Variants in ZNF804B observed in about 807,000 individuals in gnomAD.
ZNF804B encodes the protein zinc finger protein 804B.
Under a neutral mutation model 101.4 loss-of-function variants are expected in ZNF804B, and 80 were observed. That is an observed-to-expected ratio of 0.79 (90% confidence interval 0.66 to 0.95). ZNF804B has a LOEUF of 0.95. Ranked by LOEUF, ZNF804B falls within the 40% of genes least tolerant of loss-of-function variation. The pLI, the probability that ZNF804B is intolerant of heterozygous loss-of-function variation, is 0.00. For missense variants in ZNF804B, 1,673 were observed against 1,561.9 expected (o/e 1.07, Z -1.20); for synonymous variants, 622 against 558.8 (o/e 1.11, Z -1.59).
intron 2 of ZNF804B, among the ~76,000 whole-genome samples, chr7:89,234,457 C>G (rs185518516): frequency 2.0e-5 from 3 of 152,054 alleles, no homozygotes; most frequent in African/African-American, 7.2e-5. Flanking sequence ...TATAAGATTT[C>G]CATGAAATTA....
At chr7:89,164,045 C>T (rs1791107035) in intron 1 of ZNF804B, among the ~76,000 whole-genome samples, 1 of 151,782 alleles carries the variant, frequency 6.6e-6, no homozygotes, top group South Asian at 2.1e-4. Flanking sequence ...ATTACTATCT[C>T]TCAAATAATG....
chr7:89,318,822 G>A (rs769870629), intron 2 of ZNF804B, among the ~76,000 whole-genome samples: 11 of 151,896 alleles, frequency 7.2e-5, no homozygotes, highest in Non-Finnish European at 1.5e-4. Context: ...AAAGACACAC[G>A]CACAGAAATA....
intron 1 of ZNF804B, among the ~76,000 whole-genome samples, chr7:89,184,130 C>T (rs886273764): frequency 6.6e-6 from 1 of 152,046 alleles, no homozygotes; most frequent in African/African-American, 2.4e-5. Flanking sequence ...TTAGAGATGG[C>T]CTACTTGAGC....
intron 1 of ZNF804B, among the ~76,000 whole-genome samples, chr7:89,127,678 T>C (rs1383616568): frequency 6.6e-6 from 1 of 151,674 alleles, no homozygotes; most frequent in African/African-American, 2.4e-5. Context: ...TGTTACTGAA[T>C]AAAATATTTT....
intron 1 of ZNF804B, among the ~76,000 whole-genome samples, chr7:88,941,586 C>T (rs1212244974): frequency 1.3e-5 from 2 of 151,812 alleles, no homozygotes; most frequent in Non-Finnish European, 2.9e-5. Context: ...TAAAAAAGAT[C>T]AGTGGTTGTT....
At chr7:88,955,799 C>A (rs1042611410) in intron 1 of ZNF804B, among the ~76,000 whole-genome samples, 1 of 151,628 alleles carries the variant, frequency 6.6e-6, no homozygotes, top group Admixed American at 6.6e-5. Context: ...AAACAATCAA[C>A]AGAGTGAAAA....
At chr7:89,015,977 T>C (rs939921745) in intron 1 of ZNF804B, among the ~76,000 whole-genome samples, 2 of 152,142 alleles carry the variant, frequency 1.3e-5, no homozygotes, top group South Asian at 2.1e-4. Context: ...TTCCTATTTC[T>C]CCACATCCTC....
At chr7:88,817,853 G>A (rs1790911044) in intron 1 of ZNF804B, among the ~76,000 whole-genome samples, 1 of 152,114 alleles carries the variant, frequency 6.6e-6, no homozygotes, top group South Asian at 2.1e-4. Context: ...TTCCAATAGA[G>A]GAACACTGAA....
chr7:88,910,578 T>A (rs1364476293), intron 1 of ZNF804B, among the ~76,000 whole-genome samples: 3 of 151,938 alleles, frequency 2.0e-5, no homozygotes, highest in African/African-American at 4.8e-5. Flanking sequence ...AAATAGTAGA[T>A]GCTCATTCAA....
At chr7:88,992,486 T>A (rs1288679823) in intron 1 of ZNF804B, among the ~76,000 whole-genome samples, 2 of 152,050 alleles carry the variant, frequency 1.3e-5, no homozygotes, top group African/African-American at 2.4e-5. Flanking sequence ...CAGTGTGGGT[T>A]CAACTGGGTT....
intron 1 of ZNF804B, among the ~76,000 whole-genome samples, chr7:89,043,570 A>G (rs1304141610): frequency 6.6e-6 from 1 of 152,212 alleles, no homozygotes; most frequent in Non-Finnish European, 1.5e-5. Context: ...ATAAAATGTC[A>G]TGGTTGATGC....
chr7:89,093,188 A>G (rs1214090622), intron 1 of ZNF804B, among the ~76,000 whole-genome samples: 5 of 152,074 alleles, frequency 3.3e-5, no homozygotes, highest in Admixed American at 3.3e-4. Context: ...TATTTATCTA[A>G]CTGTTAAATT....
chr7:88,830,490 A>G (rs1236189647), intron 1 of ZNF804B, among the ~76,000 whole-genome samples: 6 of 151,978 alleles, frequency 3.9e-5, no homozygotes, highest in Admixed American at 3.9e-4. Flanking sequence ...CATTTTTATA[A>G]CCTTCTTTTT....
chr7:88,918,099 C>T (rs1234251645), intron 1 of ZNF804B, among the ~76,000 whole-genome samples: 1 of 151,914 alleles, frequency 6.6e-6, no homozygotes, highest in Non-Finnish European at 1.5e-5. Flanking sequence ...AAAGATAATG[C>T]AATTTCTCTT....
At chr7:89,053,273 G>T (rs1789236895) in intron 1 of ZNF804B, among the ~76,000 whole-genome samples, 1 of 152,042 alleles carries the variant, frequency 6.6e-6, no homozygotes, top group South Asian at 2.1e-4. Flanking sequence ...ATAGTACCTA[G>T]TCATAATTTC....
At chr7:88,864,710 G>A (rs1358100) in intron 1 of ZNF804B, among the ~76,000 whole-genome samples, 84,050 of 151,942 alleles carry the variant, frequency 0.55, 26,858 homozygotes, top group African/African-American at 0.87. Flanking sequence ...ACTTCATCTG[G>A]GACCGAAAGC....
At chr7:88,987,669 A>G (rs1584056029) in intron 1 of ZNF804B, among the ~76,000 whole-genome samples, 1 of 152,072 alleles carries the variant, frequency 6.6e-6, no homozygotes, top group South Asian at 2.1e-4. Flanking sequence ...TACATTTGAT[A>G]TTTTGATACA....
chr7:88,763,027 C>G (rs1789922333), intron 1 of ZNF804B, among the ~76,000 whole-genome samples: 1 of 152,126 alleles, frequency 6.6e-6, no homozygotes, highest in South Asian at 2.1e-4. Context: ...GCTACAATCC[C>G]TTTTTGACAT....
rs1788506203 is a variant in ZNF804B at position 89,194,142 on chromosome 7, C to T, written c.109-24013C>T. ...AGAAGTGTCTGTTCTTGTCCTTTGC[C>T]CACTTTTTGATGGGGTTGTTTGTTT... On this transcript the variant is annotated intron_variant, in intron 1 of 3. Transcript: ENST00000333190. Among the ~76,000 whole-genome samples, 3 of 151,980 alleles carry T rather than the reference C, an allele frequency of 2.0e-5. No homozygotes were observed. The South Asian group carries it at 6.2e-4, about 32-fold the overall frequency.
Sources: gnomAD v4.1 joint callset for allele counts (sites outside exome capture counted in the v4.1 genomes callset) on GRCh38, gnomAD v4.1.1 for gene constraint, MANE v1.5 for transcripts, NCBI Gene and HGNC (gene_info 2026-07-23, HGNC 2026-07-21) for gene names.